Variants in STK3 observed in about 807,000 individuals in gnomAD.
STK3 encodes serine/threonine-protein kinase 3.
STK3 carries 41 observed loss-of-function variants against 58.0 expected under a neutral mutation model. The ratio of observed to expected loss-of-function variants is 0.71; its 90% CI spans 0.55 to 0.92. STK3 has a LOEUF of 0.92. STK3 is among the 40% of genes least tolerant of loss of function. The probability of loss-of-function intolerance (pLI) is 0.00; values close to 1 mark genes in which losing one functional copy is unlikely to be tolerated. For missense variants in STK3, 479 were observed against 602.7 expected, an observed-to-expected ratio of 0.79 and a Z score of 2.15; for synonymous variants, 170 against 191.0, an observed-to-expected ratio of 0.89 and a Z score of 0.91.
At chr8:98,610,825 C>G (rs551925740) in intron 6 of STK3, among the ~76,000 whole-genome samples, 2 of 152,254 alleles carry the variant, frequency 1.3e-5, no homozygotes, top group African/African-American at 4.8e-5. Flanking sequence ...GACATACTAT[C>G]CTCAAAATTA....
intron 6 of STK3, among the ~76,000 whole-genome samples, chr8:98,699,925 G>A (rs915320000): frequency 6.6e-6 from 1 of 152,212 alleles, no homozygotes; most frequent in Non-Finnish European, 1.5e-5. Flanking sequence ...AGTCTGCAGA[G>A]GTTACTGCTG....
intron 1 of STK3, among the ~76,000 whole-genome samples, chr8:98,794,751 C>T (rs1833018862): frequency 6.6e-6 from 1 of 151,878 alleles, no homozygotes; most frequent in Non-Finnish European, 1.5e-5. Flanking sequence ...GAACATAAGA[C>T]ACAAAAATCC....
chr8:98,481,706 A>G (rs1368302717), intron 10 of STK3, among the ~76,000 whole-genome samples: 2 of 150,080 alleles, frequency 1.3e-5, no homozygotes, highest in African/African-American at 5.0e-5. Context: ...AACCACTAGT[A>G]TCCCTAAAGC....
chr8:98,401,082 G>GCT (rs1203890987), downstream of STK3, among the ~76,000 whole-genome samples: 6 of 152,112 alleles, frequency 3.9e-5, no homozygotes, highest in East Asian at 1.2e-3. Context: ...CTTCCACCTG[G>GCT]CTCTCTCTCT....
intron 9 of STK3, among the ~76,000 whole-genome samples, chr8:98,531,926 G>C (rs951895953): frequency 2.0e-5 from 3 of 152,196 alleles, no homozygotes; most frequent in Non-Finnish European, 4.4e-5. Context: ...AACAGAGTTA[G>C]AGCCTTGCTC....
rs72668410 is a variant in STK3, at chr8:98,841,610, G to A, written c.110+42037C>T. Reference sequence around the variant, plus strand: ...GGAGGCTGAAGTGAGAGGATTGTTTGAGCCCAGGGGTTGGAGATTACAGTG... The same window carrying A: ...GGAGGCTGAAGTGAGAGGATTGTTTAAGCCCAGGGGTTGGAGATTACAGTG... On this transcript the variant is annotated intron_variant, in intron 3 of 12. Transcript: ENST00000523601. Among the ~76,000 whole-genome samples the A allele has an allele frequency of 6.9e-3, 1,021 of 146,958 alleles. 6 individuals are homozygous for A. Among genetic ancestry groups the A allele is most frequent in the Non-Finnish European group, 0.011 (760 of 67,332 alleles).
chr8:98,801,716 A>C (rs1041950078), intron 1 of STK3, among the ~76,000 whole-genome samples: 2 of 152,146 alleles, frequency 1.3e-5, no homozygotes, highest in Non-Finnish European at 2.9e-5. Context: ...TGTAACACTC[A>C]CCACAAGGGT....
At chr8:98,811,751 C>T (rs1834231780) in intron 1 of STK3, among the ~76,000 whole-genome samples, 2 of 152,162 alleles carry the variant, frequency 1.3e-5, no homozygotes, top group Non-Finnish European at 2.9e-5. Context: ...GATCTTGAAT[C>T]CACAAAATAA....
intron 4 of STK3, among the ~76,000 whole-genome samples, chr8:98,710,902 C>T (rs750743363): frequency 4.6e-5 from 7 of 152,228 alleles, no homozygotes; most frequent in Non-Finnish European, 1.0e-4. Flanking sequence ...TAGGGGCAGA[C>T]TGACACCTCA....
chr8:98,680,044 T>C (rs1823512018), intron 6 of STK3, among the ~76,000 whole-genome samples: 1 of 152,222 alleles, frequency 6.6e-6, no homozygotes, highest in African/African-American at 2.4e-5. Context: ...GTTACTCTTC[T>C]AACTTTTCCA....
At chr8:98,566,537 G>A (rs1329739298) in intron 8 of STK3, among the ~76,000 whole-genome samples, 1 of 152,074 alleles carries the variant, frequency 6.6e-6, no homozygotes, top group African/African-American at 2.4e-5. Context: ...TAATGTAGCA[G>A]CGAATTTCAG....
chr8:98,561,158 T>C (rs776518906), intron 8 of STK3, among the ~76,000 whole-genome samples: 3 of 152,132 alleles, frequency 2.0e-5, no homozygotes, highest in Non-Finnish European at 4.4e-5. Flanking sequence ...ATATCAATGA[T>C]GTATCATTGA....
chr8:98,928,008 T>C (rs1839865588), intron 1 of STK3, among the ~76,000 whole-genome samples: 1 of 152,196 alleles, frequency 6.6e-6, no homozygotes, highest in Admixed American at 6.5e-5. Context: ...TTTTGTCACT[T>C]GCAAACAAGA....
intron 1 of STK3, among the ~76,000 whole-genome samples, chr8:98,887,232 C>A (rs1007690899): frequency 6.6e-6 from 1 of 152,110 alleles, no homozygotes; most frequent in Non-Finnish European, 1.5e-5. Context: ...AGTACAGAAA[C>A]AACCATCCAT....
intron 8 of STK3, among the ~76,000 whole-genome samples, chr8:98,561,835 C>T (rs946808650): frequency 1.3e-5 from 2 of 152,038 alleles, no homozygotes; most frequent in African/African-American, 4.8e-5. Context: ...ACAGACAACA[C>T]AATTTAAAAA....
chr8:98,361,399 T>C, the STK3 span, among the ~76,000 whole-genome samples: 271 of 152,302 alleles, frequency 1.8e-3, 1 homozygote, highest in Middle Eastern at 0.024. Flanking sequence ...TGATGGTTTG[T>C]AGTTTGTTCT....
chr8:98,662,467 G>T (rs1822035407), intron 6 of STK3, among the ~76,000 whole-genome samples: 1 of 152,026 alleles, frequency 6.6e-6, no homozygotes, highest in South Asian at 2.1e-4. Flanking sequence ...CCATATGTAG[G>T]CCTTGACTAT....
intron 3 of STK3, among the ~76,000 whole-genome samples, chr8:98,843,755 G>A (rs1485401824): frequency 2.0e-5 from 3 of 152,194 alleles, no homozygotes; most frequent in Non-Finnish European, 4.4e-5. Flanking sequence ...GGTGGCTCAC[G>A]CCTGTAATCC....
intron 3 of STK3, among the ~76,000 whole-genome samples, chr8:98,863,957 G>A (rs1837028771): frequency 6.6e-6 from 1 of 152,072 alleles, no homozygotes; most frequent in Non-Finnish European, 1.5e-5. Flanking sequence ...AGCACTTTGG[G>A]AGGCCGAGGC....
Sources: gnomAD v4.1 joint callset for allele counts (sites outside exome capture counted in the v4.1 genomes callset) on GRCh38, gnomAD v4.1.1 for gene constraint, MANE v1.5 for transcripts, NCBI Gene and HGNC (gene_info 2026-07-23, HGNC 2026-07-21) for gene names.